CPQ: variants seen among roughly 807,000 people sequenced by gnomAD.
CPQ encodes the protein carboxypeptidase Q.
Under a neutral mutation model 45.7 loss-of-function variants are expected in CPQ, and 37 were observed. The observed-to-expected ratio is 0.81, with a 90% CI of 0.62 to 1.07. The LOEUF (loss-of-function observed/expected upper bound fraction) is 1.07, where lower values mean the gene tolerates loss of function less well. Ranked by LOEUF, CPQ falls within the 50% of genes least tolerant of loss-of-function variation. The pLI is 0.00. For missense variants in CPQ, 537 were observed against 572.9 expected (o/e 0.94, Z 0.64); for synonymous variants, 186 against 205.8 (o/e 0.90, Z 0.82).
intron 1 of CPQ, among the ~76,000 whole-genome samples, chr8:96,653,391 T>C (rs1815600533): frequency 6.6e-6 from 1 of 152,210 alleles, no homozygotes; most frequent in Non-Finnish European, 1.5e-5. Context: ...GTTCAGGCTC[T>C]TTGTCCATTT....
At position 97,124,831 on chromosome 8, in the gene CPQ, T is replaced by C. The variant is rs531883804; in HGVS notation, c.1256-18189T>C. On this transcript the variant is annotated intron_variant, in intron 7 of 7. Transcript: ENST00000220763. ...TGCTTATGTTAGAAAAGAAGAAAGT[T>C]CTAAAATCAGTGATCTAGCTTCCAC... Among the ~76,000 whole-genome samples, 17 of 152,070 alleles carry C rather than the reference T, an allele frequency of 1.1e-4. No individual in the cohort carries two copies. The South Asian group carries it at 2.1e-3, about 19-fold the overall frequency.
At chr8:96,729,287 G>C (rs1419597069) in intron 1 of CPQ, among the ~76,000 whole-genome samples, 1 of 152,132 alleles carries the variant, frequency 6.6e-6, no homozygotes, top group Non-Finnish European at 1.5e-5. Context: ...AGACAATGCT[G>C]TCTTCTCCTG....
chr8:97,095,616 G>T (rs1811198764), intron 7 of CPQ, among the ~76,000 whole-genome samples: 1 of 152,106 alleles, frequency 6.6e-6, no homozygotes. Flanking sequence ...GTCTCTCATG[G>T]GTTTTTCATG....
chr8:96,752,858 A>G (rs1002380515), intron 1 of CPQ, among the ~76,000 whole-genome samples: 3 of 151,958 alleles, frequency 2.0e-5, no homozygotes, highest in African/African-American at 7.2e-5. Context: ...TGTTGACGAT[A>G]TATTTCTGAC....
At chr8:96,931,016 C>T (rs1456719152) in intron 4 of CPQ, among the ~76,000 whole-genome samples, 1 of 152,170 alleles carries the variant, frequency 6.6e-6, no homozygotes, top group Non-Finnish European at 1.5e-5. Flanking sequence ...GAGTGTTCTT[C>T]CCCTGTCTTC....
intron 7 of CPQ, among the ~76,000 whole-genome samples, chr8:97,120,786 TTAAC>T (rs1358260590): frequency 6.6e-6 from 1 of 152,220 alleles, no homozygotes; most frequent in Non-Finnish European, 1.5e-5. Context: ...TGTGATTTCA[TTAAC>T]TAACTTGCTC....
At chr8:97,005,449 C>A (rs527495160) in intron 5 of CPQ, among the ~76,000 whole-genome samples, 1 of 151,814 alleles carries the variant, frequency 6.6e-6, no homozygotes, top group African/African-American at 2.4e-5. Context: ...CGCCTGTAAT[C>A]CCAGAACTTT....
chr8:96,851,451 C>G (rs1811769930), intron 3 of CPQ, among the ~76,000 whole-genome samples: 1 of 152,162 alleles, frequency 6.6e-6, no homozygotes, highest in African/African-American at 2.4e-5. Flanking sequence ...AAACAAGGCA[C>G]TGGCAGCTTC....
At chr8:96,748,705 CTTAAAA>C (rs1260783691) in intron 1 of CPQ, among the ~76,000 whole-genome samples, 1 of 152,122 alleles carries the variant, frequency 6.6e-6, no homozygotes, top group South Asian at 2.1e-4. Flanking sequence ...GTAAGAATAA[CTTAAAA>C]TTAAGAGTAT....
intron 4 of CPQ, among the ~76,000 whole-genome samples, chr8:96,954,281 A>G (rs1813316680): frequency 6.6e-6 from 1 of 152,088 alleles, no homozygotes; most frequent in Admixed American, 6.6e-5. Flanking sequence ...GGTTTTCCAC[A>G]GGTTGTGATT....
intron 2 of CPQ, among the ~76,000 whole-genome samples, chr8:96,807,901 T>G (rs929119658): frequency 6.6e-6 from 1 of 152,150 alleles, no homozygotes; most frequent in African/African-American, 2.4e-5. Context: ...CCCACTTCAG[T>G]TTGTCAAACA....
At chr8:96,957,561 G>A (rs1357843265) in intron 4 of CPQ, among the ~76,000 whole-genome samples, 1 of 152,044 alleles carries the variant, frequency 6.6e-6, no homozygotes, top group Non-Finnish European at 1.5e-5. Context: ...TCAGCACTTT[G>A]GGAGGCTGAG....
chr8:96,770,507 C>T (rs1213598177), intron 1 of CPQ, among the ~76,000 whole-genome samples: 1 of 152,008 alleles, frequency 6.6e-6, no homozygotes, highest in African/African-American at 2.4e-5. Flanking sequence ...TGAAATGAAG[C>T]TTCCTTATCA....
At position 96,724,406 on chromosome 8, in the gene CPQ, C is replaced by T. The variant is rs112254056; in HGVS notation, c.-34-60458C>T. 6.3e-3 allele frequency among the ~76,000 whole-genome samples: 957 copies of T among 151,692 alleles called. 12 individuals are homozygous for T. The highest frequency in any genetic ancestry group is 0.022 in the African/African-American group (890 of 41,374). Reference sequence around the variant, plus strand: ...ATGTGGTGGTATTTAGAGGTGGGGCCTTTAGGAGGTGATTTGCAGTAGTAT... The same window carrying T: ...ATGTGGTGGTATTTAGAGGTGGGGCTTTTAGGAGGTGATTTGCAGTAGTAT... On this transcript the variant is annotated intron_variant, in intron 1 of 7. Coordinates refer to ENST00000220763, the MANE Select transcript of CPQ (RefSeq NM_016134.4).
At chr8:96,779,601 T>A (rs6468518) in intron 1 of CPQ, among the ~76,000 whole-genome samples, 148,257 of 152,258 alleles carry the variant, frequency 0.97, 72,212 homozygotes, top group East Asian at 1. Flanking sequence ...AAGCTCTCTT[T>A]TATCTCTACA....
At chr8:96,682,531 A>G (rs1809165548) in intron 1 of CPQ, among the ~76,000 whole-genome samples, 1 of 152,220 alleles carries the variant, frequency 6.6e-6, no homozygotes, top group Non-Finnish European at 1.5e-5. Flanking sequence ...TATCAGCAGC[A>G]TGAAAATGGG....
At chr8:97,095,283 C>A (rs143818264) in intron 7 of CPQ, among the ~76,000 whole-genome samples, 2,129 of 152,310 alleles carry the variant, frequency 0.014, 19 homozygotes, top group Middle Eastern at 0.027. Flanking sequence ...ACCCTTACCA[C>A]AACCCATCTC....
chr8:96,949,046 T>A (rs967056312), intron 4 of CPQ, among the ~76,000 whole-genome samples: 7 of 152,090 alleles, frequency 4.6e-5, no homozygotes. Flanking sequence ...CTAAAGTGAG[T>A]TTCCTGTGGA....
In CPQ at chr8:97,143,028, C is replaced by G; in HGVS notation, c.1264C>G (p.Leu422Val). The change falls in exon 8 of 8, where the codon CTA becomes GTA. Residue 422 changes from leucine (L) to valine (V), a missense_variant. By Grantham distance (32) the Leu-to-Val change is conservative. Coordinates refer to ENST00000220763, the MANE Select transcript of CPQ (RefSeq NM_016134.4). ...TCCTCTTTTATCCCCAGGAGCCAGT[C>G]TACTTGATGACTTATACAAGTATTT... is the stretch of plus-strand genomic sequence containing the variant. Reference protein sequence around the residue: ...WIQAGVPGASLLDDLYKYFFF... With the variant: ...WIQAGVPGASVLDDLYKYFFF... The G allele has an allele frequency of 1.9e-6, 3 of 1,613,680 alleles. No homozygotes were observed. Among genetic ancestry groups the G allele is most frequent in the Non-Finnish European group, 2.5e-6 (3 of 1,179,688 alleles).
Sources: gnomAD v4.1 joint callset for allele counts (sites outside exome capture counted in the v4.1 genomes callset) on GRCh38, gnomAD v4.1.1 for gene constraint, MANE v1.5 for transcripts, NCBI Gene and HGNC (gene_info 2026-07-23, HGNC 2026-07-21) for gene names.